Variants in ROBO2 observed in about 807,000 individuals in gnomAD.
The protein encoded by ROBO2 is roundabout homolog 2.
A neutral mutation model predicts 160.8 loss-of-function variants in ROBO2; 53 were observed. The observed-to-expected ratio is 0.33, with a 90% CI of 0.26 to 0.41. The LOEUF (loss-of-function observed/expected upper bound fraction) is 0.41, where lower values mean the gene tolerates loss of function less well. Ranked by LOEUF, ROBO2 falls within the 10% of genes least tolerant of loss-of-function variation. The pLI, the probability that ROBO2 is intolerant of heterozygous loss-of-function variation, is 1.00. For missense variants in ROBO2, 1,577 were observed against 1,722.4 expected (o/e 0.92, Z 1.49); for synonymous variants, 664 against 611.7 (o/e 1.09, Z -1.26).
intron 2 of ROBO2, among the ~76,000 whole-genome samples, chr3:76,127,808 T>G: frequency 6.6e-6 from 1 of 151,668 alleles, no homozygotes; most frequent in East Asian, 1.9e-4. Flanking sequence ...TTACAAAATA[T>G]CTATGAAGCA....
intron 2 of ROBO2, among the ~76,000 whole-genome samples, chr3:77,019,302 T>A (rs1462974751): frequency 6.6e-6 from 1 of 152,142 alleles, no homozygotes; most frequent in Non-Finnish European, 1.5e-5. Context: ...TCTTCCATAG[T>A]GGAAGGGGCA....
chr3:76,830,289 G>A (rs1371922150), intron 2 of ROBO2, among the ~76,000 whole-genome samples: 2 of 152,136 alleles, frequency 1.3e-5, no homozygotes, highest in Non-Finnish European at 2.9e-5. Flanking sequence ...CAACTGGCTA[G>A]CCTCCAGGTA....
chr3:76,961,784 T>G (rs2079681186), intron 2 of ROBO2, among the ~76,000 whole-genome samples: 1 of 152,226 alleles, frequency 6.6e-6, no homozygotes, highest in African/African-American at 2.4e-5. Context: ...CAATTAATTT[T>G]ATGTAACCTA....
At position 77,632,544 on chromosome 3, in the gene ROBO2, A is replaced by G. The variant is rs1354253594; in HGVS notation, c.3761-2326A>G. 3.3e-6 allele frequency: 5 copies of G among 1,535,756 alleles called. No individual in the cohort carries two copies. In the East Asian group the frequency reaches 9.8e-5, roughly 30 times the overall value. On this transcript the variant is annotated intron_variant, in intron 23 of 25. Transcript: ENST00000461745. ...ACTTTTCTAGTCATAGATCTAGTGT[A>G]GGTAGCTCCTCAGATGGCTCTATCT... is the stretch of plus-strand genomic sequence containing the variant.
At chr3:75,999,455 T>G (rs2065820532) in intron 2 of ROBO2, among the ~76,000 whole-genome samples, 1 of 152,132 alleles carries the variant, frequency 6.6e-6, no homozygotes. Context: ...AAGACAATTT[T>G]TTGCCCTTTT....
intron 2 of ROBO2, among the ~76,000 whole-genome samples, chr3:76,512,831 A>C (rs1243856968): frequency 2.0e-5 from 3 of 152,160 alleles, no homozygotes; most frequent in Non-Finnish European, 1.5e-5. Context: ...AAAATCTGCA[A>C]AAATGTAGAA....
chr3:76,954,798 AT>A (rs1360888836), intron 2 of ROBO2, among the ~76,000 whole-genome samples: 1 of 152,238 alleles, frequency 6.6e-6, no homozygotes, highest in African/African-American at 2.4e-5. Flanking sequence ...GAACAAAATC[AT>A]TACAAACTTA....
chr3:76,461,697 C>A (rs920186219), intron 2 of ROBO2, among the ~76,000 whole-genome samples: 4 of 152,158 alleles, frequency 2.6e-5, no homozygotes, highest in African/African-American at 7.2e-5. Context: ...TCTTGGTAAG[C>A]AATGAAATGT....
chr3:76,728,010 T>C (rs535228743), intron 2 of ROBO2, among the ~76,000 whole-genome samples: 5 of 152,008 alleles, frequency 3.3e-5, no homozygotes, highest in Non-Finnish European at 7.4e-5. Flanking sequence ...ATATCACATA[T>C]ACTGTATAGA....
chr3:77,168,898 T>C (rs554855503), intron 2 of ROBO2, among the ~76,000 whole-genome samples: 4 of 152,278 alleles, frequency 2.6e-5, no homozygotes, highest in African/African-American at 9.6e-5. Context: ...TTTTACCCTC[T>C]CTCATCTGTG....
chr3:76,473,807 G>A (rs547167369), intron 2 of ROBO2, among the ~76,000 whole-genome samples: 1 of 152,286 alleles, frequency 6.6e-6, no homozygotes, highest in Non-Finnish European at 1.5e-5. Flanking sequence ...TTTTTCAGGT[G>A]GCAAGAGAGA....
At chr3:76,885,725 C>A (rs1424699012) in intron 2 of ROBO2, among the ~76,000 whole-genome samples, 1 of 152,160 alleles carries the variant, frequency 6.6e-6, no homozygotes, top group Non-Finnish European at 1.5e-5. Flanking sequence ...ACCTCTAGTG[C>A]TGCCTAAGAA....
intron 2 of ROBO2, among the ~76,000 whole-genome samples, chr3:76,461,340 T>G (rs1015149848): frequency 1.3e-5 from 2 of 152,204 alleles, no homozygotes; most frequent in Non-Finnish European, 2.9e-5. Flanking sequence ...CACCAGGCTC[T>G]GCCTCCAGCA....
At position 76,850,350 on chromosome 3, in the gene ROBO2, T is replaced by C. The variant is rs189491317; in HGVS notation, c.110-247664T>C. Among the ~76,000 whole-genome samples the C allele has an allele frequency of 9.2e-5, 14 of 152,266 alleles. No homozygotes were observed. The East Asian group carries it at 2.7e-3, about 29-fold the overall frequency. On this transcript the variant is annotated intron_variant, in intron 2 of 26. Coordinates refer to the ROBO2 transcript ENST00000487694. ...CAGTGATTATAGCTTAACCCTGCGC[T>C]GAGTACTTACAACAGAAGCTAGGAA... is the stretch of plus-strand genomic sequence containing the variant.
At chr3:76,499,662 G>A (rs1001372085) in intron 2 of ROBO2, among the ~76,000 whole-genome samples, 12 of 152,046 alleles carry the variant, frequency 7.9e-5, no homozygotes, top group Non-Finnish European at 1.6e-4. Flanking sequence ...GTAACTATTC[G>A]ACCAAACACT....
At chr3:76,892,928 A>G (rs979580798) in intron 2 of ROBO2, among the ~76,000 whole-genome samples, 2 of 152,158 alleles carry the variant, frequency 1.3e-5, no homozygotes, top group African/African-American at 4.8e-5. Flanking sequence ...ACAACTAAGG[A>G]AAATTCCCAT....
intron 2 of ROBO2, among the ~76,000 whole-genome samples, chr3:76,588,643 G>A (rs554472495): frequency 1.3e-5 from 2 of 152,148 alleles, no homozygotes; most frequent in African/African-American, 4.8e-5. Flanking sequence ...GATGTCTTAT[G>A]TAGAGGCATT....
At chr3:77,118,020 A>G (rs1049793854) in intron 2 of ROBO2, among the ~76,000 whole-genome samples, 1 of 152,200 alleles carries the variant, frequency 6.6e-6, no homozygotes, top group African/African-American at 2.4e-5. Context: ...CACCAGTGCT[A>G]TGTGCCATTA....
At chr3:76,280,459 C>G (rs370206678) in intron 2 of ROBO2, among the ~76,000 whole-genome samples, 1 of 151,988 alleles carries the variant, frequency 6.6e-6, no homozygotes, top group Non-Finnish European at 1.5e-5. Flanking sequence ...AATCTGCAAG[C>G]CAGAAAGAGA....
Sources: allele counts gnomAD v4.1 joint callset (sites outside exome capture counted in the v4.1 genomes callset), GRCh38; gene constraint gnomAD v4.1.1; transcripts MANE v1.5; gene names NCBI Gene and HGNC (gene_info 2026-07-23, HGNC 2026-07-21).